The following PALM2AKAP2 variants were observed in gnomAD, a reference collection of about 807,000 sequenced individuals.
The protein encoded by PALM2AKAP2 is PALM2-AKAP2 fusion protein.
Under a neutral mutation model 71.5 loss-of-function variants are expected in PALM2AKAP2, and 37 were observed. The ratio of observed to expected loss-of-function variants is 0.52; its 90% confidence interval spans 0.40 to 0.68. The LOEUF is 0.68. Ranked by LOEUF, PALM2AKAP2 falls within the 30% of genes least tolerant of loss-of-function variation. The pLI is 0.00. For missense variants in PALM2AKAP2, 1,224 were observed against 1,191.8 expected (o/e 1.03, Z -0.40); for synonymous variants, 468 against 478.8 (o/e 0.98, Z 0.29).
intron 1 of PALM2AKAP2, among the ~76,000 whole-genome samples, chr9:110,134,554 G>C (rs1237149807): frequency 6.6e-6 from 1 of 152,182 alleles, no homozygotes; most frequent in African/African-American, 2.4e-5. Context: ...AAACCCCCCA[G>C]TTCATGGATA....
At chr9:109,653,107 T>TA (rs1827248377) in intron 1 of PALM2AKAP2, among the ~76,000 whole-genome samples, 1 of 152,228 alleles carries the variant, frequency 6.6e-6, no homozygotes, top group Non-Finnish European at 1.5e-5. Flanking sequence ...TCAACTCTTT[T>TA]AGTTTGCACT....
At chr9:109,691,682 A>G (rs1827885843) in intron 1 of PALM2AKAP2, among the ~76,000 whole-genome samples, 1 of 150,962 alleles carries the variant, frequency 6.6e-6, no homozygotes, top group South Asian at 2.1e-4. Flanking sequence ...TCCTTCTCAC[A>G]AGACTCTTCG....
intron 1 of PALM2AKAP2, among the ~76,000 whole-genome samples, chr9:109,854,205 G>A (rs1345117752): frequency 1.3e-5 from 2 of 152,206 alleles, no homozygotes; most frequent in Non-Finnish European, 2.9e-5. Context: ...GTCCCTGGGG[G>A]CATCGTCTTA....
At chr9:109,930,787 C>G (rs1831082745) in intron 5 of PALM2AKAP2, among the ~76,000 whole-genome samples, 1 of 152,112 alleles carries the variant, frequency 6.6e-6, no homozygotes, top group African/African-American at 2.4e-5. Flanking sequence ...TGAACAGAGG[C>G]AGAGGCTATT....
At chr9:109,734,950 A>C (rs1341838859) in intron 1 of PALM2AKAP2, among the ~76,000 whole-genome samples, 1 of 151,980 alleles carries the variant, frequency 6.6e-6, no homozygotes, top group Non-Finnish European at 1.5e-5. Flanking sequence ...CCATCTTGTC[A>C]AACATATTTA....
intron 1 of PALM2AKAP2, among the ~76,000 whole-genome samples, chr9:109,720,276 G>C (rs1828385519): frequency 6.6e-6 from 1 of 152,086 alleles, no homozygotes; most frequent in Non-Finnish European, 1.5e-5. Flanking sequence ...GGCATGAGCT[G>C]CTGTGCCTGG....
intron 1 of PALM2AKAP2, among the ~76,000 whole-genome samples, chr9:109,799,084 A>G (rs965353662): frequency 2.1e-4 from 32 of 152,228 alleles, no homozygotes; most frequent in African/African-American, 7.5e-4. Flanking sequence ...AAGAGGGCAA[A>G]AAGCAGCCTA....
intron 6 of PALM2AKAP2, among the ~76,000 whole-genome samples, chr9:110,011,890 T>A (rs1263192497): frequency 6.6e-6 from 1 of 152,252 alleles, no homozygotes; most frequent in African/African-American, 2.4e-5. Flanking sequence ...TAGCACAAGA[T>A]ACTGGTGTAG....
intron 1 of PALM2AKAP2, among the ~76,000 whole-genome samples, chr9:110,110,962 G>T (rs62578861): frequency 6.6e-6 from 1 of 151,814 alleles, no homozygotes; most frequent in Admixed American, 6.6e-5. Context: ...TCTTCTCTCA[G>T]GATATTGTTT....
chr9:109,930,067 G>A (rs1831058859), intron 5 of PALM2AKAP2, among the ~76,000 whole-genome samples: 1 of 151,974 alleles, frequency 6.6e-6, no homozygotes, highest in African/African-American at 2.4e-5. Context: ...TCCTTGCAGT[G>A]AGGGGTGCCT....
At chr9:109,769,128 G>A (rs1056071558) in intron 1 of PALM2AKAP2, among the ~76,000 whole-genome samples, 1 of 150,798 alleles carries the variant, frequency 6.6e-6, no homozygotes, top group Non-Finnish European at 1.5e-5. Context: ...ACTGACATTA[G>A]TTTGTTTCTG....
chr9:109,665,395 T>G (rs58461642), intron 1 of PALM2AKAP2, among the ~76,000 whole-genome samples: 12,638 of 152,258 alleles, frequency 0.083, 590 homozygotes, highest in African/African-American at 0.098. Flanking sequence ...TTTGTTGATG[T>G]TGATGCTATT....
intron 1 of PALM2AKAP2, among the ~76,000 whole-genome samples, chr9:109,654,356 T>C (rs1259464055): frequency 3.3e-5 from 5 of 152,220 alleles, no homozygotes; most frequent in Non-Finnish European, 5.9e-5. Context: ...TCAAACATGT[T>C]AGTAAGTTGT....
At chr9:109,838,916 C>T (rs1828567430) in intron 1 of PALM2AKAP2, among the ~76,000 whole-genome samples, 1 of 152,100 alleles carries the variant, frequency 6.6e-6, no homozygotes, top group Non-Finnish European at 1.5e-5. Flanking sequence ...CAAAAAAAGT[C>T]CAGGACCAGA....
intron 2 of PALM2AKAP2, among the ~76,000 whole-genome samples, chr9:109,868,671 A>G (rs1829524395): frequency 6.6e-6 from 1 of 152,222 alleles, no homozygotes; most frequent in East Asian, 1.9e-4. Context: ...AGCATGACCT[A>G]TATCTGCTTA....
At chr9:109,870,565 C>G (rs1308791458) in intron 2 of PALM2AKAP2, among the ~76,000 whole-genome samples, 2 of 152,226 alleles carry the variant, frequency 1.3e-5, no homozygotes, top group Non-Finnish European at 2.9e-5. Context: ...AGTTATTACT[C>G]TGTCTTACAG....
rs145342985 is a variant in PALM2AKAP2, at chr9:109,751,671, T to C, written c.6-28817T>C. 2.0e-3 allele frequency among the ~76,000 whole-genome samples: 307 copies of C among 152,260 alleles called. 2 individuals carry two copies. The highest frequency in any genetic ancestry group is 7.1e-3 in the African/African-American group (294 of 41,568). ...TCAATCATGCTCTCAATTAAAGAAGTTGAGTCAGTTCATGATACCCATCTC... is the reference window on the plus strand; with the variant it reads ...TCAATCATGCTCTCAATTAAAGAAGCTGAGTCAGTTCATGATACCCATCTC... On this transcript the variant is annotated intron_variant, in intron 1 of 6. Transcript: ENST00000374531.
At chr9:109,921,287 A>G (rs964982360) in intron 3 of PALM2AKAP2, among the ~76,000 whole-genome samples, 1 of 152,188 alleles carries the variant, frequency 6.6e-6, no homozygotes, top group Non-Finnish European at 1.5e-5. Flanking sequence ...TTTATAATCT[A>G]GTAGGGGAAA....
chr9:109,792,300 C>A (rs1021134076), intron 1 of PALM2AKAP2, among the ~76,000 whole-genome samples: 2 of 152,168 alleles, frequency 1.3e-5, no homozygotes, highest in Non-Finnish European at 2.9e-5. Context: ...TTATTAAATT[C>A]TTTAATTTGG....
Sources: allele counts gnomAD v4.1 joint callset (sites outside exome capture counted in the v4.1 genomes callset), GRCh38; gene constraint gnomAD v4.1.1; transcripts MANE v1.5; gene names NCBI Gene and HGNC (gene_info 2026-07-23, HGNC 2026-07-21).